PLIN3: variants seen among roughly 807,000 people sequenced by gnomAD.
PLIN3 encodes the protein perilipin 3, also known as perilipin-3.
PLIN3 carries 30 observed loss-of-function variants against 35.9 expected under a neutral mutation model. That is an observed-to-expected ratio of 0.84 (90% CI 0.62 to 1.13). The LOEUF (loss-of-function observed/expected upper bound fraction) is 1.13, where lower values mean the gene tolerates loss of function less well. PLIN3 is among the 50% of genes most tolerant of loss of function. The pLI is 0.00. For missense variants in PLIN3, 603 were observed against 596.9 expected (o/e 1.01, Z -0.11); for synonymous variants, 261 against 262.5 (o/e 0.99, Z 0.06).
In PLIN3 at chr19:4,853,939, T is replaced by C. The variant is rs1003077611; in HGVS notation, c.349-1638A>G. Among the ~76,000 whole-genome samples, 10 of 151,314 alleles carry C rather than the reference T, an allele frequency of 6.6e-5. No homozygotes were observed. The South Asian group carries it at 1.3e-3, about 19-fold the overall frequency. ...TGTTCTCGAATCTAAGTCTTTTTTT[T>C]TTTTTTCTTTTGAGACAGGGTCTCA... On this transcript the variant is annotated intron_variant, in intron 4 of 7. Coordinates refer to ENST00000221957, the MANE Select transcript of PLIN3 (RefSeq NM_005817.5).
At chr19:4,861,240 G>T in intron 2 of PLIN3, 89 bp downstream of exon 2, 3 of 1,116,476 alleles carry the variant, frequency 2.7e-6, no homozygotes, top group South Asian at 2.5e-5. Context: ...GCAGATCCCT[G>T]GCTCCCTGCC....
At chr19:4,841,259 C>A (rs560304143) in intron 7 of PLIN3, among the ~76,000 whole-genome samples, 1 of 152,264 alleles carries the variant, frequency 6.6e-6, no homozygotes, top group East Asian at 1.9e-4. Flanking sequence ...TCCACCCATA[C>A]AACAGAATGT....
chr19:4,861,773 TACAGGCACCC>T (rs1427759250), intron 1 of PLIN3, among the ~76,000 whole-genome samples: 3 of 151,820 alleles, frequency 2.0e-5, no homozygotes, highest in Non-Finnish European at 4.4e-5. Context: ...GTAGCTGGAT[TACAGGCACCC>T]ACCACCACGC....
intron 6 of PLIN3, among the ~76,000 whole-genome samples, chr19:4,845,881 A>G (rs568098776): frequency 7.1e-6 from 1 of 140,876 alleles, no homozygotes; most frequent in East Asian, 2.3e-4. Flanking sequence ...CAGAGACTGC[A>G]TGCCACTGCA....
At chr19:4,854,201 G>A (rs906171330) in intron 4 of PLIN3, among the ~76,000 whole-genome samples, 2 of 152,010 alleles carry the variant, frequency 1.3e-5, no homozygotes, top group Non-Finnish European at 2.9e-5. Context: ...CCAAAGTGCT[G>A]GGATGACCGA....
intron 6 of PLIN3, among the ~76,000 whole-genome samples, chr19:4,845,078 C>T (rs897290597): frequency 3.9e-5 from 6 of 152,134 alleles, no homozygotes; most frequent in Admixed American, 6.6e-5. Context: ...AGCCTGGACA[C>T]GTGGCTGGCT....
At chr19:4,845,627 G>T (rs2030062264) in intron 6 of PLIN3, among the ~76,000 whole-genome samples, 1 of 151,536 alleles carries the variant, frequency 6.6e-6, no homozygotes, top group South Asian at 2.1e-4. Context: ...AAGTTTAAGA[G>T]AAAAGAAAAA....
chr19:4,866,071 G>A (rs1342363436), intron 1 of PLIN3, among the ~76,000 whole-genome samples: 1 of 148,178 alleles, frequency 6.7e-6, no homozygotes, highest in Non-Finnish European at 1.5e-5. Flanking sequence ...AGGCTGGAAT[G>A]CAGTGGCGTG....
At chr19:4,849,753 A>G (rs1276131405) in intron 5 of PLIN3, among the ~76,000 whole-genome samples, 2 of 151,690 alleles carry the variant, frequency 1.3e-5, no homozygotes, top group Non-Finnish European at 2.9e-5. Flanking sequence ...CCCGGGTTCA[A>G]GTGATTCTCC....
chr19:4,851,855 GAC>G (rs2030301187), intron 5 of PLIN3, among the ~76,000 whole-genome samples, 159 bp downstream of exon 5: 1 of 152,056 alleles, frequency 6.6e-6, no homozygotes, highest in African/African-American at 2.4e-5. Context: ...TGGTGAGCAG[GAC>G]AGAGGGGACT....
chr19:4,861,195 T>A (rs1367964888), intron 2 of PLIN3, 134 bp downstream of exon 2: 1 of 757,220 alleles, frequency 1.3e-6, no homozygotes, highest in East Asian at 2.5e-5. Context: ...CATACCCCAC[T>A]GAGGAATAAA....
chr19:4,839,328 C>T lies in PLIN3; in HGVS notation c.1169G>A (p.Ser390Asn). 2 of 1,614,000 alleles carry T rather than the reference C, an allele frequency of 1.2e-6. No individual in the cohort carries two copies. Among genetic ancestry groups the T allele is most frequent in the Non-Finnish European group, 1.7e-6 (2 of 1,179,936 alleles). ...QDLSSSILAQ[S>N]RERVASAREA... is the part of the protein sequence containing the mutation. ...GCGGGCGCTGGCGACACGCTCACGGCTCTGGGCCAGAATGCTGCTGGACAG... is the reference window on the plus strand; with the variant it reads ...GCGGGCGCTGGCGACACGCTCACGGTTCTGGGCCAGAATGCTGCTGGACAG... The change falls in exon 8 of 8, where the codon AGC (serine) becomes AAC (asparagine). Residue 390 changes from serine to asparagine, a missense_variant. Coordinates refer to ENST00000221957, the MANE Select transcript of PLIN3 (RefSeq NM_005817.5).
chr19:4,848,638 G>A (rs1237296883), intron 5 of PLIN3, among the ~76,000 whole-genome samples: 7 of 152,184 alleles, frequency 4.6e-5, no homozygotes, highest in African/African-American at 1.4e-4. Flanking sequence ...AGGCCAAGGC[G>A]GGCAGATCAC....
intron 4 of PLIN3, among the ~76,000 whole-genome samples, chr19:4,855,249 G>GAAAAA (rs377681525): frequency 2.7e-5 from 1 of 36,406 alleles, no homozygotes. Flanking sequence ...GACTCCATCT[G>GAAAAA]AAAAAAAAAA....
rs531718637 is a variant in PLIN3 at position 4,863,089 on chromosome 19, G to A, written c.-17-1678C>T. The stretch of plus-strand genomic sequence containing the variant: ...GGAGAATCGCTTGAACCCAGGAGGC[G>A]GAGGTTGCAGTGAGGTGAGATCGCG... On this transcript the variant is annotated intron_variant, in intron 1 of 7. Transcript: ENST00000221957. Among the ~76,000 whole-genome samples the A allele has an allele frequency of 8.5e-5, 13 of 152,174 alleles. No individual in the cohort carries two copies. In the Middle Eastern group the frequency reaches 0.017, roughly 199 times the overall value.
intron 7 of PLIN3, among the ~76,000 whole-genome samples, chr19:4,840,019 G>A (rs141084519): frequency 0.01 from 1,452 of 142,362 alleles, 66 homozygotes; most frequent in East Asian, 0.029. Flanking sequence ...CCAGGTTGGC[G>A]TGCAGTGGCA....
At chr19:4,845,481 C>T (rs902477054) in intron 6 of PLIN3, among the ~76,000 whole-genome samples, 4 of 152,038 alleles carry the variant, frequency 2.6e-5, no homozygotes, top group African/African-American at 7.2e-5. Flanking sequence ...TATGACTCAG[C>T]CTTCCAAAGG....
In PLIN3 at chr19:4,847,910, G is replaced by A. The variant is rs146558423; in HGVS notation, c.635-20C>T. On this transcript the variant is annotated intron_variant, in intron 5 of 7. Transcript: ENST00000221957. ...TGCGGGCTGCAAGGAAAAGGAGAAG[G>A]GTCTCTGTGAAGACCAGAACACACA... is the stretch of plus-strand genomic sequence containing the variant. 1.3e-6 allele frequency: 2 copies of A among 1,597,766 alleles called. No homozygotes were observed. Among genetic ancestry groups the A allele is most frequent in the African/African-American group, 2.7e-5 (2 of 74,512 alleles).
chr19:4,852,408 G>A (rs1483555342), intron 4 of PLIN3, 107 bp from the exon 5 acceptor site: 38 of 1,339,078 alleles, frequency 2.8e-5, no homozygotes, highest in Admixed American at 2.2e-4. Context: ...GCCATCCCCC[G>A]GGTGACCCCA....
Sources: allele counts gnomAD v4.1 joint callset (sites outside exome capture counted in the v4.1 genomes callset), GRCh38; gene constraint gnomAD v4.1.1; transcripts MANE v1.5; gene names NCBI Gene and HGNC (gene_info 2026-07-23, HGNC 2026-07-21).